Variants in HCN4 observed in about 807,000 individuals in gnomAD.
HCN4 encodes the protein potassium/sodium hyperpolarization-activated cyclic nucleotide-gated channel 4.
In HCN4, 29 loss-of-function variants were observed where a neutral mutation model predicts 76.9. The ratio of observed to expected loss-of-function variants is 0.38; its 90% CI spans 0.28 to 0.51. HCN4 has a LOEUF of 0.51. Ranked by LOEUF, HCN4 falls within the 20% of genes least tolerant of loss-of-function variation. The probability of loss-of-function intolerance (pLI) is 0.90; values close to 1 mark genes in which losing one functional copy is unlikely to be tolerated. For missense variants in HCN4, 1,416 were observed against 1,715.2 expected (o/e 0.83, Z 3.08); for synonymous variants, 772 against 762.5 (o/e 1.01, Z -0.21).
At chr15:73,345,385 C>T (rs1329738815) in intron 1 of HCN4, among the ~76,000 whole-genome samples, 1 of 152,086 alleles carries the variant, frequency 6.6e-6, no homozygotes. Flanking sequence ...GGGATAAGGC[C>T]GGATGCCAAG....
In HCN4 at chr15:73,359,365, G is replaced by A. The variant is rs367772793; in HGVS notation, c.785+8121C>T. 1.2e-4 allele frequency among the ~76,000 whole-genome samples: 19 copies of A among 152,262 alleles called. No homozygotes were observed. In the East Asian group the frequency reaches 2.9e-3, roughly 23 times the overall value. The stretch of plus-strand genomic sequence containing the variant: ...GCAGAGTTGGGTGGGGAGCTGTCAC[G>A]TGTGAGATTTGGTGGCTCTGGCGTC... On this transcript the variant is annotated intron_variant, in intron 1 of 7. Transcript: ENST00000261917.
rs144471002 is a variant in HCN4 at position 73,364,980 on chromosome 15, C to T, written c.785+2506G>A. 4.1e-3 allele frequency among the ~76,000 whole-genome samples: 618 copies of T among 152,254 alleles called. 5 individuals carry two copies. Among genetic ancestry groups the T allele is most frequent in the African/African-American group, 0.014 (585 of 41,534 alleles). On this transcript the variant is annotated intron_variant, in intron 1 of 7. Coordinates refer to ENST00000261917, the MANE Select transcript of HCN4 (RefSeq NM_005477.3). ...TTCTGCTGGATCAATGCTTCCTGCC[C>T]GTCAAAATGATGAATAAATCCTCGA...
At position 73,324,091 on chromosome 15, in the gene HCN4, A is replaced by G; in HGVS notation, c.2141T>C (p.Ile714Thr). The change falls in exon 7 of 8, where the codon ATT (isoleucine) becomes ACT (threonine). Residue 714 changes from isoleucine (I) to threonine (T), a missense_variant and splice_region_variant. By Grantham distance (89) the Ile-to-Thr change is moderately conservative. This residue lies in a region of HCN4 where 241 missense variants were observed against 379.4 expected (regional missense o/e 0.64). Coordinates refer to ENST00000261917, the MANE Select transcript of HCN4 (RefSeq NM_005477.3). The part of the protein sequence containing the change: ...ETVALDRLDR[I>T]GKKNSILLHK... The stretch of plus-strand genomic sequence containing the variant: ...CGCCTGTGGCCCCTCCCCCTCACCA[A>G]TGCGGTCCAGGCGGTCCAGCGCCAC... 6.2e-7 allele frequency: 1 copy of G among 1,612,938 alleles called. No individual in the cohort carries two copies.
At chr15:73,326,997 G>A (rs955961976) in intron 4 of HCN4, among the ~76,000 whole-genome samples, 19 of 151,628 alleles carry the variant, frequency 1.3e-4, no homozygotes, top group African/African-American at 2.2e-4. Context: ...ACGTTGCCCA[G>A]GCTGCTCTTG....
chr15:73,324,421 G>T (rs1332222763), intron 6 of HCN4, among the ~76,000 whole-genome samples, 168 bp from the exon 7 acceptor site: 3 of 152,208 alleles, frequency 2.0e-5, no homozygotes, highest in Admixed American at 6.5e-5. Context: ...CACCAAATGG[G>T]GGCTGGACAG....
intron 2 of HCN4, among the ~76,000 whole-genome samples, chr15:73,339,199 G>A (rs370457356): frequency 5.9e-5 from 9 of 152,332 alleles, no homozygotes; most frequent in African/African-American, 1.7e-4. Flanking sequence ...CTCACACCTC[G>A]GAGGGAGGGA....
chr15:73,329,200 G>A (rs2042917516), intron 4 of HCN4, among the ~76,000 whole-genome samples: 1 of 152,150 alleles, frequency 6.6e-6, no homozygotes, highest in African/African-American at 2.4e-5. Flanking sequence ...TGGCCAGAGG[G>A]GCAGGAGCAA....
Position 73,322,833 on chromosome 15 carries a change from G to A in HCN4, c.3260C>T (p.Ser1087Phe). Reference sequence around the variant, plus strand: ...CTGAGGCAGGGCTGGCTGAGACGCGGAGATGAGCTTGAGGTCCTGGGTGAG... The same window carrying A: ...CTGAGGCAGGGCTGGCTGAGACGCGAAGATGAGCTTGAGGTCCTGGGTGAG... ...GRLTQDLKLI[S>F]ASQPALPQDG... The change falls in exon 8 of 8, where the codon TCC becomes TTC. Residue 1087 changes from serine (S) to phenylalanine (F), a missense_variant. Physicochemically the swap from Ser to Phe is radical, Grantham distance 155. Around this residue, in one of 6 missense-constraint regions of HCN4, gnomAD observed 633 missense variants for 579.8 expected, o/e 1.09. Coordinates refer to ENST00000261917, the MANE Select transcript of HCN4 (RefSeq NM_005477.3). 11 of 1,523,000 alleles carry A rather than the reference G, an allele frequency of 7.2e-6. No homozygotes were observed. Among genetic ancestry groups the A allele is most frequent in the Non-Finnish European group, 9.7e-6 (11 of 1,137,178 alleles). 94.3% of individuals were successfully genotyped at this position (1,523,000 alleles called of 1,614,324 possible). A position where few individuals can be genotyped will look rare whatever the true frequency, so the allele number is the denominator to read the frequency against.
At chr15:73,344,779 C>G (rs1317412316) in intron 1 of HCN4, among the ~76,000 whole-genome samples, 1 of 152,248 alleles carries the variant, frequency 6.6e-6, no homozygotes, top group East Asian at 1.9e-4. Context: ...TTTCTCCCAA[C>G]TCACCAAGCA....
At chr15:73,351,052 G>T (rs755115844) in intron 1 of HCN4, among the ~76,000 whole-genome samples, 8 of 152,048 alleles carry the variant, frequency 5.3e-5, no homozygotes, top group Non-Finnish European at 1.0e-4. Flanking sequence ...TAAATCCAAT[G>T]GTCACTTTCC....
At position 73,323,716 on chromosome 15, in the gene HCN4, T is replaced by G. The variant is rs1302650781; in HGVS notation, c.2377A>C (p.Ile793Leu). 3.7e-6 allele frequency: 6 copies of G among 1,600,916 alleles called. No individual in the cohort carries two copies. The Admixed American group carries it at 6.7e-5, about 18-fold the overall frequency. Reference protein sequence around the residue: ...QAAAATTSVAIALTHHPRLPA... With the variant: ...QAAAATTSVALALTHHPRLPA... Reference sequence around the variant, plus strand: ...AGGCGAGGGTGGTGGGTGAGGGCTATGGCCACAGAAGTGGTGGCAGCGGCA... The same window carrying G: ...AGGCGAGGGTGGTGGGTGAGGGCTAGGGCCACAGAAGTGGTGGCAGCGGCA... Residue 793 changes from isoleucine (I) to leucine (L), a missense_variant, in exon 8 of 8, where the codon ATA (isoleucine) becomes CTA (leucine). Coordinates refer to ENST00000261917, the MANE Select transcript of HCN4 (RefSeq NM_005477.3).
Position 73,332,222 on chromosome 15 carries a change from AG to A in HCN4, c.1279del (p.Leu427CysfsTer31). 6.2e-7 allele frequency: 1 copy of A among 1,614,196 alleles called. No homozygotes were observed. The highest frequency in any genetic ancestry group is 1.3e-5 in the African/African-American group (1 of 75,068). ...CAGGCAGCCGTCCCAGTGGCAGAGC[AG>A]GAGCATCATGCCGATGAGGTTCACG... ...RIVNLIGMMLLLCHWDGCLQF... is the reference protein window; with the variant it reads ...RIVNLIGMMLXLCHWDGCLQF... On this transcript the variant is annotated frameshift_variant, in exon 3 of 8. Coordinates refer to ENST00000261917, the MANE Select transcript of HCN4 (RefSeq NM_005477.3). LOFTEE classifies it high-confidence loss of function.
At chr15:73,350,993 C>T (rs891371405) in intron 1 of HCN4, among the ~76,000 whole-genome samples, 3 of 152,170 alleles carry the variant, frequency 2.0e-5, no homozygotes, top group African/African-American at 2.4e-5. Flanking sequence ...GGCCGAGAAG[C>T]GATGCTGCTC....
chr15:73,322,458 G>A lies in HCN4; in HGVS notation c.*23C>T. Reference sequence around the variant, plus strand: ...GAAGGAAGGGAGAGAAAAGAAGAAAGAAGAGGGAAGGAAGGGCCCAGCTCA... The same window carrying A: ...GAAGGAAGGGAGAGAAAAGAAGAAAAAAGAGGGAAGGAAGGGCCCAGCTCA... On this transcript the variant is annotated 3_prime_UTR_variant, in exon 8 of 8. Transcript: ENST00000261917. The A allele has an allele frequency of 6.5e-7, 1 of 1,547,974 alleles. No individual in the cohort carries two copies. The highest frequency in any genetic ancestry group is 8.8e-7 in the Non-Finnish European group (1 of 1,138,666).
At chr15:73,357,777 G>C (rs575641118) in intron 1 of HCN4, among the ~76,000 whole-genome samples, 10 of 152,172 alleles carry the variant, frequency 6.6e-5, no homozygotes, top group Non-Finnish European at 1.0e-4. Context: ...CCCAGGACAA[G>C]GGCCGACAAA....
intron 1 of HCN4, among the ~76,000 whole-genome samples, chr15:73,348,449 T>C (rs182194120): frequency 6.6e-6 from 1 of 152,344 alleles, no homozygotes; most frequent in East Asian, 1.9e-4. Context: ...CATGAATACA[T>C]TTTTTGTAAA....
rs757438687 is a variant in HCN4 at position 73,324,051 on chromosome 15, AC to A, written c.2143+37del. 8.2e-6 allele frequency: 13 copies of A among 1,587,916 alleles called. No individual in the cohort carries two copies. In the Admixed American group the frequency reaches 8.6e-5, roughly 10 times the overall value. On this transcript the variant is annotated intron_variant, in intron 7 of 7. Coordinates refer to ENST00000261917, the MANE Select transcript of HCN4 (RefSeq NM_005477.3). ...AGGAGCCCTGCCCTCCTCCCCCAAC[AC>A]CCCCCACCTGCCCCGCCTGTGGCCC...
rs1044973379 is a variant in HCN4, at chr15:73,328,678, G to A, written c.1590+895C>T. ...CAGGCCCACGCTCAAACAGAGCTCG[G>A]CAGCAGAGAAGCTGGGGTAGGGCCC... On this transcript the variant is annotated intron_variant, in intron 4 of 7. Coordinates refer to ENST00000261917, the MANE Select transcript of HCN4 (RefSeq NM_005477.3). The surrounding 1 kb of genome is among the most constrained non-coding windows in gnomAD (Gnocchi z 4.0). Among the ~76,000 whole-genome samples, 4 of 152,226 alleles carry A rather than the reference G, an allele frequency of 2.6e-5. No homozygotes were observed. Among genetic ancestry groups the A allele is most frequent in the East Asian group, 2.0e-4 (1 of 5,124 alleles).
Position 73,325,468 on chromosome 15 carries a change from C to A in HCN4, c.1591-24G>T. On this transcript the variant is annotated intron_variant, in intron 4 of 7. Coordinates refer to ENST00000261917, the MANE Select transcript of HCN4 (RefSeq NM_005477.3). The surrounding 1 kb of genome is among the most constrained non-coding windows in gnomAD (Gnocchi z 7.4). ...TACTGAGGCCGGGAGAAGGGGGCGT[C>A]AGCTCCACCCCACCAGGGGGCGTCA... is the stretch of plus-strand genomic sequence containing the variant. 1 of 1,613,298 alleles carries A rather than the reference C, an allele frequency of 6.2e-7. No individual in the cohort carries two copies. Among genetic ancestry groups the A allele is most frequent in the South Asian group, 1.1e-5 (1 of 91,064 alleles).
Sources: gnomAD v4.1 joint callset for allele counts (sites outside exome capture counted in the v4.1 genomes callset) on GRCh38, gnomAD v4.1.1 for gene constraint, gnomAD v4.1.1 regional missense constraint, Gnocchi (gnomAD v3.1) non-coding constraint, MANE v1.5 for transcripts, NCBI Gene and HGNC (gene_info 2026-07-23, HGNC 2026-07-21) for gene names.